PTPRD: variants seen among roughly 807,000 people sequenced by gnomAD.
PTPRD encodes the protein protein tyrosine phosphatase receptor type D.
A neutral mutation model predicts 214.5 loss-of-function variants in PTPRD; 34 were observed. That is an observed-to-expected ratio of 0.16 (90% CI 0.12 to 0.21). The LOEUF (loss-of-function observed/expected upper bound fraction) is 0.21, where lower values mean the gene tolerates loss of function less well. Ranked by LOEUF, PTPRD falls within the 10% of genes least tolerant of loss-of-function variation. The pLI is 1.00. For synonymous variants in PTPRD, 1,128 were observed against 845.7 expected (o/e 1.33, Z -5.79); for missense variants, 2,545 against 2,398.7 (o/e 1.06, Z -1.27).
intron 10 of PTPRD, among the ~76,000 whole-genome samples, chr9:9,048,763 G>C (rs1181139597): frequency 6.6e-6 from 1 of 151,986 alleles, no homozygotes; most frequent in Non-Finnish European, 1.5e-5. Flanking sequence ...GCACAACAGG[G>C]TGACTATAAT....
At position 8,382,800 on chromosome 9, in the gene PTPRD, C is replaced by T. The variant is rs547003893; in HGVS notation, c.4387-6074G>A. ...CAAAGGCAATGTTTGTGCTGCTGGT[C>T]CTAAAGTTGCTTAAGGAAAAAAGCA... is the stretch of plus-strand genomic sequence containing the variant. On this transcript the variant is annotated intron_variant, in intron 37 of 45. Transcript: ENST00000381196. Among the ~76,000 whole-genome samples the T allele has an allele frequency of 5.9e-5, 9 of 152,258 alleles. No homozygotes were observed. In the South Asian group the frequency reaches 1.7e-3, roughly 28 times the overall value.
chr9:10,227,165 ACGTGG>A lies in PTPRD; in HGVS notation c.-545+113793_-545+113797del, dbSNP rs747765819. 4.6e-5 allele frequency among the ~76,000 whole-genome samples: 7 copies of A among 152,174 alleles called. No homozygotes were observed. The South Asian group carries it at 1.4e-3, about 32-fold the overall frequency. ...CTTGTCAAAGCTGCAGGTATTTTTC[ACGTGG>A]CCATGATTTGTTCAGACTTGTTTAC... On this transcript the variant is annotated intron_variant, in intron 3 of 45. Coordinates refer to ENST00000381196, the MANE Select transcript of PTPRD (RefSeq NM_002839.4).
chr9:8,648,626 T>G (rs2096743660), intron 12 of PTPRD, among the ~76,000 whole-genome samples: 2 of 152,210 alleles, frequency 1.3e-5, no homozygotes, highest in Non-Finnish European at 2.9e-5. Context: ...GTGCATCCGT[T>G]TTGTTCAATA....
chr9:8,899,789 G>T (rs1032109155), intron 11 of PTPRD, among the ~76,000 whole-genome samples: 4 of 152,160 alleles, frequency 2.6e-5, no homozygotes, highest in African/African-American at 7.2e-5. Flanking sequence ...TATCCTTGTG[G>T]GTGAGTGCTT....
At chr9:9,692,163 C>T (rs1012833597) in intron 7 of PTPRD, among the ~76,000 whole-genome samples, 4 of 151,946 alleles carry the variant, frequency 2.6e-5, no homozygotes, top group Non-Finnish European at 5.9e-5. Context: ...CTTTGGTTGC[C>T]TATGCTTGTG....
rs116361398 is a variant in PTPRD, at chr9:9,893,982, T to C, written c.-368+44525A>G. ...TGCACACCACCACACCCTGTGTTTGTTGTTGGTATTTGGTAGAGAAGGGGT... is the reference window on the plus strand; with the variant it reads ...TGCACACCACCACACCCTGTGTTTGCTGTTGGTATTTGGTAGAGAAGGGGT... On this transcript the variant is annotated intron_variant, in intron 5 of 45. Coordinates refer to ENST00000381196, the MANE Select transcript of PTPRD (RefSeq NM_002839.4). Among the ~76,000 whole-genome samples, 642 of 152,202 alleles carry C rather than the reference T, an allele frequency of 4.2e-3. 8 individuals carry two copies. The highest frequency in any genetic ancestry group is 0.014 in the African/African-American group (592 of 41,560).
intron 10 of PTPRD, chr9:9,091,341 G>T (rs565886655): frequency 3.9e-6 from 3 of 761,074 alleles, no homozygotes; most frequent in Middle Eastern, 3.5e-4. Flanking sequence ...AAATAGCTGC[G>T]TATTTTTCTG....
At chr9:8,381,817 GC>G (rs1177126052) in intron 37 of PTPRD, among the ~76,000 whole-genome samples, 1 of 152,168 alleles carries the variant, frequency 6.6e-6, no homozygotes, top group Non-Finnish European at 1.5e-5. Context: ...ATAGGGAGCT[GC>G]CGTAAACTTT....
intron 11 of PTPRD, among the ~76,000 whole-genome samples, chr9:8,887,975 T>G (rs1414532220): frequency 6.6e-6 from 1 of 152,146 alleles, no homozygotes; most frequent in Non-Finnish European, 1.5e-5. Context: ...ATGAAACACA[T>G]TAGGAAATTC....
At chr9:8,347,670 T>C (rs2132967063) in intron 39 of PTPRD, among the ~76,000 whole-genome samples, 1 of 152,218 alleles carries the variant, frequency 6.6e-6, no homozygotes, top group South Asian at 2.1e-4. Flanking sequence ...ACACAGGGCC[T>C]TTAGGGAGGT....
chr9:10,135,030 C>T (rs539441751), intron 3 of PTPRD, among the ~76,000 whole-genome samples: 1 of 152,028 alleles, frequency 6.6e-6, no homozygotes. Context: ...TTAAAAGAAC[C>T]AAATTGAACT....
intron 6 of PTPRD, among the ~76,000 whole-genome samples, chr9:9,756,857 T>C (rs1220277039): frequency 6.6e-6 from 1 of 152,184 alleles, no homozygotes; most frequent in East Asian, 1.9e-4. Flanking sequence ...TTTTCTAGAC[T>C]GAACATTAGT....
intron 7 of PTPRD, among the ~76,000 whole-genome samples, chr9:9,666,932 G>A (rs2096734186): frequency 6.6e-6 from 1 of 151,916 alleles, no homozygotes; most frequent in Non-Finnish European, 1.5e-5. Flanking sequence ...TTGAGTTTGG[G>A]TTATAGGAAC....
rs1306043742 is a variant in PTPRD, at chr9:9,482,781, C to T, written c.-236-85299G>A. On this transcript the variant is annotated intron_variant, in intron 8 of 45. Transcript: ENST00000381196. ...TGAGGCTATGAAGAGACAATTAAGGCTCCTCCTTAGGGCAGCATTTTGTTT... is the reference window on the plus strand; with the variant it reads ...TGAGGCTATGAAGAGACAATTAAGGTTCCTCCTTAGGGCAGCATTTTGTTT... Among the ~76,000 whole-genome samples the T allele has an allele frequency of 2.0e-5, 3 of 152,116 alleles. No homozygotes were observed. In the East Asian group the frequency reaches 5.8e-4, roughly 29 times the overall value.
At chr9:9,126,772 T>C (rs1430916694) in intron 10 of PTPRD, among the ~76,000 whole-genome samples, 1 of 152,214 alleles carries the variant, frequency 6.6e-6, no homozygotes, top group East Asian at 1.9e-4. Context: ...CTGAATGCTT[T>C]TGTACTGCTT....
At chr9:9,368,529 G>T (rs1052073948) in intron 9 of PTPRD, among the ~76,000 whole-genome samples, 1 of 151,752 alleles carries the variant, frequency 6.6e-6, no homozygotes, top group Non-Finnish European at 1.5e-5. Context: ...CCCTAGCAAA[G>T]AATATTAAAG....
chr9:9,022,495 G>C (rs926859935), intron 10 of PTPRD, among the ~76,000 whole-genome samples: 2 of 152,104 alleles, frequency 1.3e-5, no homozygotes, highest in Non-Finnish European at 2.9e-5. Flanking sequence ...ACAGTATTCA[G>C]CACAGTAACA....
chr9:8,663,776 C>T (rs1200623441), intron 12 of PTPRD, among the ~76,000 whole-genome samples: 2 of 151,988 alleles, frequency 1.3e-5, no homozygotes, highest in Admixed American at 6.6e-5. Flanking sequence ...CAGGTGTGAG[C>T]CACTGTGCCC....
rs73392831 is a variant in PTPRD at position 9,732,633 on chromosome 9, G to A, written c.-287+1900C>T. Among the ~76,000 whole-genome samples, 940 of 152,198 alleles carry A rather than the reference G, an allele frequency of 6.2e-3. 10 individuals carry two copies. The highest frequency in any genetic ancestry group is 0.021 in the African/African-American group (887 of 41,540). The stretch of plus-strand genomic sequence containing the variant: ...CTAGGATTTGTTATGATGGAAATGG[G>A]GAGGCAAAATTTGTGCTACCTAAAA... On this transcript the variant is annotated intron_variant, in intron 7 of 45. Coordinates refer to ENST00000381196, the MANE Select transcript of PTPRD (RefSeq NM_002839.4).
Sources: gnomAD v4.1 joint callset for allele counts (sites outside exome capture counted in the v4.1 genomes callset) on GRCh38, gnomAD v4.1.1 for gene constraint, MANE v1.5 for transcripts, NCBI Gene and HGNC (gene_info 2026-07-23, HGNC 2026-07-21) for gene names.